RAD21: variants seen among roughly 807,000 people sequenced by gnomAD.
RAD21 encodes the protein RAD21 cohesin complex component, also known as double-strand-break repair protein rad21 homolog.
Under a neutral mutation model 71.5 loss-of-function variants are expected in RAD21, and 18 were observed. That is an observed-to-expected ratio of 0.25 (90% confidence interval 0.17 to 0.37). RAD21 has a LOEUF of 0.37. Among genes scored for constraint, RAD21 ranks in the 10% least tolerant of loss-of-function variants. RAD21 has a pLI of 1.00. For missense variants in RAD21, 493 were observed against 769.1 expected (o/e 0.64, Z 4.25); for synonymous variants, 248 against 254.0 (o/e 0.98, Z 0.22).
chr8:116,850,211 CA>C (rs982600201), intron 12 of RAD21, among the ~76,000 whole-genome samples: 1 of 152,208 alleles, frequency 6.6e-6, no homozygotes, highest in Admixed American at 6.5e-5. Context: ...AAAACAAAAA[CA>C]AAACCCAGAC....
intron 10 of RAD21, 148 bp from the exon 11 acceptor site, chr8:116,852,244 T>C (rs1812365132): frequency 5.0e-6 from 4 of 798,992 alleles, no homozygotes; most frequent in East Asian, 5.5e-5. Flanking sequence ...TCCATAAAGA[T>C]TTACTCAATT....
At chr8:116,873,757 C>T (rs1812895813) in intron 1 of RAD21, among the ~76,000 whole-genome samples, 1 of 152,100 alleles carries the variant, frequency 6.6e-6, no homozygotes, top group East Asian at 1.9e-4. Context: ...ACAGTGTCAC[C>T]CCACACTATC....
rs748224727 is a variant in RAD21 at position 116,866,753 on chromosome 8, G to A, written c.-24C>T. On this transcript the variant is annotated 5_prime_UTR_variant, in exon 2 of 14. Transcript: ENST00000297338. The stretch of plus-strand genomic sequence containing the variant: ...ATTGTTCTGGCTGGCTATGAAAACA[G>A]AAGAAAACCTAAGAGGGGAAAAAAA... 11 of 1,569,324 alleles carry A rather than the reference G, an allele frequency of 7.0e-6. No individual in the cohort carries two copies. Among genetic ancestry groups the A allele is most frequent in the Non-Finnish European group, 6.9e-6 (8 of 1,158,816 alleles).
rs1194594379 is a variant in RAD21, at chr8:116,852,038, T to C, written c.1380A>G (p.Arg460=). 1 of 1,612,688 alleles carries C rather than the reference T, an allele frequency of 6.2e-7. No homozygotes were observed. Among genetic ancestry groups the C allele is most frequent in the Non-Finnish European group, 8.5e-7 (1 of 1,178,774 alleles). Residue 460 remains arginine (R), a synonymous_variant, in exon 11 of 14, where the codon AGA becomes AGG. Coordinates refer to ENST00000297338, the MANE Select transcript of RAD21 (RefSeq NM_006265.3). Reference sequence around the variant, plus strand: ...GCATAGCTGACTCATCTATGTTTGTTCTGCTGGCCTCCATCACTGACTCCT... The same window carrying C: ...GCATAGCTGACTCATCTATGTTTGTCCTGCTGGCCTCCATCACTGACTCCT... ...RLQESVMEAS[R]TNIDESAMPP... is the part of the protein sequence containing the mutation.
chr8:116,853,334 C>A (rs917286726), intron 9 of RAD21, among the ~76,000 whole-genome samples: 2 of 152,204 alleles, frequency 1.3e-5, no homozygotes, highest in African/African-American at 4.8e-5. Context: ...TCGCCTCAGC[C>A]TCCCAAAGTG....
rs1333200317 is a variant in RAD21 at position 116,847,646 on chromosome 8, A to C, written c.1750T>G (p.Leu584Val). 1 of 1,613,970 alleles carries C rather than the reference A, an allele frequency of 6.2e-7. No individual in the cohort carries two copies. Among genetic ancestry groups the C allele is most frequent in the Non-Finnish European group, 8.5e-7 (1 of 1,179,928 alleles). Residue 584 changes from leucine to valine, a missense_variant, in exon 14 of 14, where the codon TTA becomes GTA. Physicochemically the swap from Leu to Val is conservative, Grantham distance 32. This residue lies in a region of RAD21 where 225 missense variants were observed against 218.3 expected (regional missense o/e 1.03). Transcript: ENST00000297338. ...TGAESISLLE[L>V]CRNTNRKQAA... ...TGTTTTCTGTTCGTATTTCGACATA[A>C]CTCAAGCAAACTGATAGATTCAGCT... is the stretch of plus-strand genomic sequence containing the variant.
intron 3 of RAD21, 96 bp from the exon 4 acceptor site, chr8:116,862,036 C>T (rs996156423): frequency 2.3e-5 from 21 of 926,470 alleles, no homozygotes; most frequent in African/African-American, 4.9e-5. Context: ...AGTTTATATT[C>T]TCATAGAAAG....
At chr8:116,852,246 T>G in intron 10 of RAD21, 150 bp from the exon 11 acceptor site, 1 of 798,648 alleles carries the variant, frequency 1.3e-6, no homozygotes, top group Non-Finnish European at 1.9e-6. Flanking sequence ...CATAAAGATT[T>G]ACTCAATTTT....
At chr8:116,860,950 G>A (rs1812580378) in intron 4 of RAD21, among the ~76,000 whole-genome samples, 1 of 151,958 alleles carries the variant, frequency 6.6e-6, no homozygotes, top group African/African-American at 2.4e-5. Flanking sequence ...AATAAGACTG[G>A]CAATATACTT....
chr8:116,871,271 C>T (rs943774867), intron 1 of RAD21, among the ~76,000 whole-genome samples: 2 of 151,974 alleles, frequency 1.3e-5, no homozygotes, highest in African/African-American at 4.8e-5. Context: ...TTTATGAAAA[C>T]CCTGTGCAGA....
intron 3 of RAD21, among the ~76,000 whole-genome samples, chr8:116,862,891 C>T (rs1586273088): frequency 6.6e-6 from 1 of 152,060 alleles, no homozygotes; most frequent in African/African-American, 2.4e-5. Flanking sequence ...AAAGGCAGCT[C>T]CAAAGGAAGA....
intron 4 of RAD21, 88 bp from the exon 5 acceptor site, chr8:116,858,546 A>C (rs1432154257): frequency 9.8e-7 from 1 of 1,022,312 alleles, no homozygotes; most frequent in Non-Finnish European, 1.4e-6. Flanking sequence ...AAATTAAAAA[A>C]ATATATATGT....
chr8:116,858,551 A>C, intron 4 of RAD21, 93 bp from the exon 5 acceptor site: 1 of 965,340 alleles, frequency 1.0e-6, no homozygotes, highest in Non-Finnish European at 1.5e-6. Context: ...AAAAAAATAT[A>C]TATGTATAAC....
chr8:116,868,064 A>G (rs574566995), intron 1 of RAD21, among the ~76,000 whole-genome samples: 53 of 152,138 alleles, frequency 3.5e-4, no homozygotes, highest in Admixed American at 1.0e-3. Context: ...CTTTTAAGAG[A>G]TGGGGTCTCA....
chr8:116,872,066 A>AG (rs901758592), intron 1 of RAD21, among the ~76,000 whole-genome samples: 35 of 150,432 alleles, frequency 2.3e-4, no homozygotes, highest in South Asian at 8.3e-4. Context: ...AAATTGTTGG[A>AG]GGGGGGGACA....
At chr8:116,857,760 TAA>T (rs376466422) in intron 5 of RAD21, among the ~76,000 whole-genome samples, 18 of 151,942 alleles carry the variant, frequency 1.2e-4, no homozygotes, top group African/African-American at 4.1e-4. Flanking sequence ...GTATGTATGT[TAA>T]GTTACATTAA....
intron 8 of RAD21, among the ~76,000 whole-genome samples, chr8:116,854,770 A>G (rs1586266504): frequency 2.0e-5 from 3 of 152,310 alleles, no homozygotes. Context: ...TTATACTGTA[A>G]ACAATGAACA....
intron 12 of RAD21, among the ~76,000 whole-genome samples, chr8:116,849,954 T>A (rs528116721): frequency 6.6e-6 from 1 of 151,738 alleles, no homozygotes; most frequent in East Asian, 1.9e-4. Flanking sequence ...ATTTAAAGGT[T>A]TAAGTAACAT....
chr8:116,857,174 T>C (rs1050809182), intron 6 of RAD21, 93 bp downstream of exon 6: 26 of 1,051,200 alleles, frequency 2.5e-5, no homozygotes, highest in Non-Finnish European at 3.4e-5. Flanking sequence ...ATCTAAAAGC[T>C]GTTCAAGACT....
Sources: gnomAD v4.1 joint callset for allele counts (sites outside exome capture counted in the v4.1 genomes callset) on GRCh38, gnomAD v4.1.1 for gene constraint, gnomAD v4.1.1 regional missense constraint, MANE v1.5 for transcripts, NCBI Gene and HGNC (gene_info 2026-07-23, HGNC 2026-07-21) for gene names.